Variants in ZBTB20 observed in about 807,000 individuals in gnomAD.
The protein encoded by ZBTB20 is zinc finger and BTB domain-containing protein 20.
Under a neutral mutation model 56.9 loss-of-function variants are expected in ZBTB20, and 9 were observed. That is an observed-to-expected ratio of 0.16 (90% CI 0.10 to 0.28). The LOEUF (loss-of-function observed/expected upper bound fraction) is 0.28. ZBTB20 is among the 10% of genes least tolerant of loss of function. The pLI is 1.00. For missense variants in ZBTB20, 655 were observed against 1,003.0 expected, an observed-to-expected ratio of 0.65 and a Z score of 4.69; for synonymous variants, 417 against 420.7, an observed-to-expected ratio of 0.99 and a Z score of 0.11.
rs1053856983 is a variant in ZBTB20 at position 115,122,105 on chromosome 3, G to A, written c.-703+25114C>T. 2.0e-5 allele frequency among the ~76,000 whole-genome samples: 3 copies of A among 151,926 alleles called. No individual in the cohort carries two copies. The East Asian group carries it at 5.8e-4, about 29-fold the overall frequency. On this transcript the variant is annotated intron_variant, in intron 1 of 11. Transcript: ENST00000675478. ...AGAGACTATGAGAAGCAGGCAATGAGGCAAATACAAGCATATCGAAATTAT... is the reference window on the plus strand; with the variant it reads ...AGAGACTATGAGAAGCAGGCAATGAAGCAAATACAAGCATATCGAAATTAT...
chr3:114,419,549 G>T (rs1030792641), intron 7 of ZBTB20, among the ~76,000 whole-genome samples: 2 of 152,096 alleles, frequency 1.3e-5, no homozygotes. Flanking sequence ...AATGAAGAAA[G>T]ATAGGGACCT....
intron 3 of ZBTB20, among the ~76,000 whole-genome samples, chr3:114,927,419 T>A (rs567515055): frequency 6.6e-6 from 1 of 152,344 alleles, no homozygotes; most frequent in African/African-American, 2.4e-5. Context: ...GTCATGGGCA[T>A]GTGTCCTTAA....
At chr3:114,442,068 C>T (rs1348975975) in intron 7 of ZBTB20, among the ~76,000 whole-genome samples, 2 of 152,138 alleles carry the variant, frequency 1.3e-5, no homozygotes, top group Non-Finnish European at 2.9e-5. Context: ...TCGCTGAAGA[C>T]TAGGAGTATG....
intron 7 of ZBTB20, among the ~76,000 whole-genome samples, chr3:114,407,088 C>A (rs916332829): frequency 6.6e-6 from 1 of 152,204 alleles, no homozygotes; most frequent in Admixed American, 6.5e-5. Flanking sequence ...CTATAGCCCA[C>A]TAGCCACTGC....
chr3:114,763,412 G>A, intron 5 of ZBTB20, among the ~76,000 whole-genome samples: 1 of 152,076 alleles, frequency 6.6e-6, no homozygotes. Flanking sequence ...CTATGTCTCA[G>A]TTTACTTTTT....
At chr3:114,985,561 A>G (rs1251356893) in intron 2 of ZBTB20, among the ~76,000 whole-genome samples, 1 of 152,114 alleles carries the variant, frequency 6.6e-6, no homozygotes. Context: ...ATATGTCATT[A>G]TGTCCTTTTA....
At chr3:114,833,422 A>G (rs2073959594) in intron 4 of ZBTB20, among the ~76,000 whole-genome samples, 2 of 152,196 alleles carry the variant, frequency 1.3e-5, no homozygotes, top group Admixed American at 1.3e-4. Flanking sequence ...TTTGAAGAAC[A>G]TAACTTATAT....
At chr3:115,111,291 C>A (rs2083875642) in intron 1 of ZBTB20, among the ~76,000 whole-genome samples, 1 of 151,914 alleles carries the variant, frequency 6.6e-6, no homozygotes, top group African/African-American at 2.4e-5. Flanking sequence ...CAAAAGAACA[C>A]TGCCCATAAT....
chr3:114,357,358 G>A (rs1318753355), intron 10 of ZBTB20: 1 of 152,110 alleles, frequency 6.6e-6, no homozygotes, highest in African/African-American at 2.4e-5. Context: ...GGGACTAGCT[G>A]GATGTGCTTT....
At chr3:114,679,551 C>G (rs1309534601) in intron 6 of ZBTB20, among the ~76,000 whole-genome samples, 1 of 152,092 alleles carries the variant, frequency 6.6e-6, no homozygotes, top group Non-Finnish European at 1.5e-5. Context: ...CATCACTGGT[C>G]AATAGAGAAA....
At chr3:114,848,715 C>A (rs1320928544) in intron 4 of ZBTB20, among the ~76,000 whole-genome samples, 1 of 152,176 alleles carries the variant, frequency 6.6e-6, no homozygotes, top group Non-Finnish European at 1.5e-5. Context: ...TGTCAATCAC[C>A]CATCTACTAA....
chr3:114,838,747 T>C (rs894404204), intron 4 of ZBTB20, among the ~76,000 whole-genome samples: 2 of 152,162 alleles, frequency 1.3e-5, no homozygotes, highest in African/African-American at 4.8e-5. Flanking sequence ...CCATATTTTT[T>C]TTTAATGCCT....
chr3:114,702,989 CA>C (rs1291441663), intron 5 of ZBTB20, among the ~76,000 whole-genome samples: 1 of 149,568 alleles, frequency 6.7e-6, no homozygotes, highest in Non-Finnish European at 1.5e-5. Flanking sequence ...GAATCTTACA[CA>C]AATTTGTGTG....
At chr3:114,886,435 C>G (rs943169276) in intron 4 of ZBTB20, among the ~76,000 whole-genome samples, 1 of 152,204 alleles carries the variant, frequency 6.6e-6, no homozygotes, top group African/African-American at 2.4e-5. Flanking sequence ...CAGCACAATA[C>G]TTTTGTCCAT....
At chr3:114,417,365 T>C (rs2088675887) in intron 7 of ZBTB20, among the ~76,000 whole-genome samples, 1 of 152,074 alleles carries the variant, frequency 6.6e-6, no homozygotes, top group Non-Finnish European at 1.5e-5. Flanking sequence ...CTAAGCTTTG[T>C]TTGTGATAGA....
chr3:114,343,343 CT>C (rs1238308676), intron 11 of ZBTB20, among the ~76,000 whole-genome samples: 1 of 152,152 alleles, frequency 6.6e-6, no homozygotes, highest in Non-Finnish European at 1.5e-5. Flanking sequence ...ACCAAGGCTT[CT>C]CCTGAGCTGT....
At chr3:115,087,007 C>T (rs2083009959) in intron 1 of ZBTB20, among the ~76,000 whole-genome samples, 1 of 151,782 alleles carries the variant, frequency 6.6e-6, no homozygotes, top group Non-Finnish European at 1.5e-5. Context: ...ATATTCACAA[C>T]TTAGGGTGAT....
In ZBTB20 at chr3:114,728,806, T is replaced by A. The variant is rs115214191; in HGVS notation, c.-342-35231A>T. Among the ~76,000 whole-genome samples, 967 of 152,356 alleles carry A rather than the reference T, an allele frequency of 6.3e-3. 10 individuals carry two copies. Among genetic ancestry groups the A allele is most frequent in the Non-Finnish European group, 0.01 (685 of 68,042 alleles). ...TTTCATTCATGTAGAATACTGACTT[T>A]TAAAAGTCACTCAATTTCTCTAATG... On this transcript the variant is annotated intron_variant, in intron 5 of 11. Transcript: ENST00000675478.
At chr3:114,974,703 T>C (rs1180696174) in intron 2 of ZBTB20, among the ~76,000 whole-genome samples, 2 of 152,202 alleles carry the variant, frequency 1.3e-5, no homozygotes, top group Non-Finnish European at 2.9e-5. Flanking sequence ...TTTGCATTTT[T>C]ATTTCATGTT....
Sources: gnomAD v4.1 joint callset for allele counts (sites outside exome capture counted in the v4.1 genomes callset) on GRCh38, gnomAD v4.1.1 for gene constraint, MANE v1.5 for transcripts, NCBI Gene and HGNC (gene_info 2026-07-23, HGNC 2026-07-21) for gene names.